The following HAVCR2 variants were observed in gnomAD, a reference collection of about 807,000 sequenced individuals.
The protein encoded by HAVCR2 is hepatitis A virus cellular receptor 2, also known as T cell immunoglobulin mucin 3.
In HAVCR2, 13 loss-of-function variants were observed where a neutral mutation model predicts 24.7. That is an observed-to-expected ratio of 0.53 (90% CI 0.34 to 0.84). HAVCR2 has a LOEUF of 0.84. HAVCR2 is among the 40% of genes least tolerant of loss of function. The pLI is 0.01. For synonymous variants in HAVCR2, 154 were observed against 143.4 expected, an observed-to-expected ratio of 1.07 and a Z score of -0.53; for missense variants, 343 against 371.2, an observed-to-expected ratio of 0.92 and a Z score of 0.62.
At chr5:157,087,479 GT>G (rs1365021535) in intron 6 of HAVCR2, among the ~76,000 whole-genome samples, 185 bp from the exon 7 acceptor site, 1 of 151,968 alleles carries the variant, frequency 6.6e-6, no homozygotes, top group Non-Finnish European at 1.5e-5. Flanking sequence ...TTGAGAAAAT[GT>G]CCATTAATTT....
intron 5 of HAVCR2, among the ~76,000 whole-genome samples, chr5:157,093,113 A>C (rs1297557181): frequency 7.6e-6 from 1 of 132,044 alleles, no homozygotes; most frequent in East Asian, 1.9e-4. Context: ...ATATATATAC[A>C]TATATATATA....
At chr5:157,089,041 A>T in intron 5 of HAVCR2, 64 bp from the exon 6 acceptor site, 2 of 1,439,022 alleles carry the variant, frequency 1.4e-6, no homozygotes, top group Non-Finnish European at 1.9e-6. Context: ...CAAGAAATCA[A>T]ATAGGTTCAC....
At chr5:157,096,071 C>T (rs925855180) in intron 4 of HAVCR2, among the ~76,000 whole-genome samples, 1 of 151,666 alleles carries the variant, frequency 6.6e-6, no homozygotes, top group Non-Finnish European at 1.5e-5. Flanking sequence ...ACTAAAAATA[C>T]AAAACTTAGC....
chr5:157,090,398 C>T (rs1023838148), intron 5 of HAVCR2, among the ~76,000 whole-genome samples: 2 of 151,938 alleles, frequency 1.3e-5, no homozygotes, highest in Non-Finnish European at 2.9e-5. Context: ...AGTTCGAGAC[C>T]AGCCTGGGCA....
rs762676528 is a variant in HAVCR2 at position 157,087,626 on chromosome 5, C to T, written c.714-332G>A. On this transcript the variant is annotated intron_variant, in intron 6 of 6. Transcript: ENST00000307851. Reference sequence around the variant, plus strand: ...CACATTTAGATTTTCAAAAAATGGGCCGGGCGCCGTGGCTCACGCCTGTAA... The same window carrying T: ...CACATTTAGATTTTCAAAAAATGGGTCGGGCGCCGTGGCTCACGCCTGTAA... Among the ~76,000 whole-genome samples the T allele has an allele frequency of 6.6e-5, 10 of 151,898 alleles. No homozygotes were observed. In the South Asian group the frequency reaches 8.3e-4, roughly 13 times the overall value.
intron 5 of HAVCR2, among the ~76,000 whole-genome samples, chr5:157,090,000 T>C (rs978419373): frequency 6.6e-6 from 1 of 152,004 alleles, no homozygotes; most frequent in African/African-American, 2.4e-5. Flanking sequence ...ATCATTTCTG[T>C]GTTGTGGGTC....
chr5:157,107,324 G>A (rs562244816), intron 1 of HAVCR2: 21 of 193,796 alleles, frequency 1.1e-4, no homozygotes, highest in African/African-American at 2.3e-4. Context: ...CTGTGAACAC[G>A]GGAGAACAGG....
In HAVCR2 at chr5:157,106,762, C is replaced by A. The variant is rs1757257889; in HGVS notation, c.259G>T (p.Asp87Tyr). ...AGGGACACATCTCCTTTGCGGAAAT[C>A]CCCATTTAGCCAGTATCTGGATGTC... ...YWTSRYWLNG[D>Y]FRKGDVSLTI... Residue 87 changes from aspartate to tyrosine, a missense_variant, in exon 2 of 7, where the codon GAT (aspartate) becomes TAT (tyrosine). Physicochemically the swap from Asp to Tyr is radical, Grantham distance 160. Coordinates refer to ENST00000307851, the MANE Select transcript of HAVCR2 (RefSeq NM_032782.5). 1 of 1,614,190 alleles carries A rather than the reference C, an allele frequency of 6.2e-7. No homozygotes were observed. The highest frequency in any genetic ancestry group is 8.5e-7 in the Non-Finnish European group (1 of 1,180,036).
Position 157,104,023 on chromosome 5 carries a change from C to A in HAVCR2, c.478+643G>T, listed in dbSNP as rs776114415. Among the ~76,000 whole-genome samples, 110 of 130,772 alleles carry A rather than the reference C, an allele frequency of 8.4e-4. 1 individual carries two copies. The highest frequency in any genetic ancestry group is 2.6e-4 in the Non-Finnish European group (16 of 62,492). 85.8% of individuals were successfully genotyped at this position (130,772 alleles called of 152,430 possible). On this transcript the variant is annotated intron_variant, in intron 3 of 6. Transcript: ENST00000307851. The stretch of plus-strand genomic sequence containing the variant: ...TATGACATTATGAGGTGGGACTCAC[C>A]TATTAACCTCATTTTACAGAAGAAA...
Position 157,087,233 on chromosome 5 carries a change from G to A in HAVCR2, c.775C>T (p.Arg259Cys), listed in dbSNP as rs755156589. ...GLANAVAEGI[R>C]SEENIYTIEE... is the part of the protein sequence containing the mutation. ...ATGGTATAGATGTTTTCTTCTGAGC[G>A]AATTCCCTCTGCTACTGCATTTGCC... The change falls in exon 7 of 7, where the codon CGC becomes TGC. Residue 259 changes from arginine to cysteine, a missense_variant. Physicochemically the swap from Arg to Cys is radical, Grantham distance 180. Transcript: ENST00000307851. The A allele has an allele frequency of 8.1e-6, 13 of 1,613,680 alleles. No individual in the cohort carries two copies. Among genetic ancestry groups the A allele is most frequent in the African/African-American group, 2.7e-5 (2 of 74,904 alleles).
intron 5 of HAVCR2, among the ~76,000 whole-genome samples, chr5:157,089,342 G>A (rs1365215360): frequency 1.3e-5 from 2 of 152,086 alleles, no homozygotes; most frequent in Admixed American, 6.6e-5. Context: ...CCCAAGACCA[G>A]CCTGACCAAC....
Position 157,109,022 on chromosome 5 carries a change from G to C in HAVCR2, c.-39C>G, listed in dbSNP as rs1757291703. 1 of 1,593,148 alleles carries C rather than the reference G, an allele frequency of 6.3e-7. No individual in the cohort carries two copies. Among genetic ancestry groups the C allele is most frequent in the African/African-American group, 1.3e-5 (1 of 74,630 alleles). On this transcript the variant is annotated 5_prime_UTR_variant, in exon 1 of 7. Transcript: ENST00000307851. ...GAAAAGTCAGAGGACACCTCTGTTAGGCACAGTTTTAACTCTCCAAATGGA... is the reference window on the plus strand; with the variant it reads ...GAAAAGTCAGAGGACACCTCTGTTACGCACAGTTTTAACTCTCCAAATGGA...
chr5:157,088,824 G>T, intron 6 of HAVCR2, 117 bp downstream of exon 6: 1 of 860,036 alleles, frequency 1.2e-6, no homozygotes, highest in Non-Finnish European at 1.9e-6. Flanking sequence ...AAAGAAGGAA[G>T]TATAAACTCA....
intron 1 of HAVCR2, chr5:157,107,384 G>A (rs189664955): frequency 4.9e-5 from 8 of 162,566 alleles, no homozygotes; most frequent in African/African-American, 7.2e-5. Context: ...GCCAGGAAAC[G>A]GCCCGCCCAT....
At chr5:157,096,633 C>G (rs906399116) in intron 4 of HAVCR2, among the ~76,000 whole-genome samples, 2 of 151,898 alleles carry the variant, frequency 1.3e-5, no homozygotes, top group African/African-American at 4.8e-5. Flanking sequence ...AAAAATTAGC[C>G]AGGTGTGGTG....
chr5:157,093,157 C>T (rs1315208830), intron 5 of HAVCR2, among the ~76,000 whole-genome samples: 2 of 150,942 alleles, frequency 1.3e-5, no homozygotes, highest in East Asian at 1.9e-4. Flanking sequence ...CCATGGCTAT[C>T]TCTGAATAAA....
At chr5:157,088,145 T>C (rs1756941604) in intron 6 of HAVCR2, among the ~76,000 whole-genome samples, 1 of 152,124 alleles carries the variant, frequency 6.6e-6, no homozygotes, top group South Asian at 2.1e-4. Flanking sequence ...CCTGGGCTCA[T>C]GTGATCCTCC....
At position 157,095,349 on chromosome 5, in the gene HAVCR2, A is replaced by G. The variant is rs1757080039; in HGVS notation, c.633T>C (p.Ala211=). The G allele has an allele frequency of 1.2e-6, 2 of 1,614,070 alleles. No homozygotes were observed. The highest frequency in any genetic ancestry group is 1.7e-6 in the Non-Finnish European group (2 of 1,180,032). ...IGIYIGAGIC[A]GLALALIFGA... ...CGAAGATAAGAGCCAGAGCCAGCCC[A>G]GCACAGATCCCTGCTCCGATGTAGA... is the stretch of plus-strand genomic sequence containing the variant. The change falls in exon 5 of 7, where the codon GCT becomes GCC. Residue 211 remains alanine (A), a synonymous_variant. Coordinates refer to ENST00000307851, the MANE Select transcript of HAVCR2 (RefSeq NM_032782.5).
At chr5:157,100,556 A>G (rs1581760652) in intron 3 of HAVCR2, among the ~76,000 whole-genome samples, 2 of 152,230 alleles carry the variant, frequency 1.3e-5, no homozygotes, top group South Asian at 4.1e-4. Context: ...AAATAAGTAC[A>G]TTGCCAGCTT....
Sources: allele counts gnomAD v4.1 joint callset (sites outside exome capture counted in the v4.1 genomes callset), GRCh38; gene constraint gnomAD v4.1.1; transcripts MANE v1.5; gene names NCBI Gene and HGNC (gene_info 2026-07-23, HGNC 2026-07-21).